STAMBPL1: variants seen among roughly 807,000 people sequenced by gnomAD.
STAMBPL1 encodes STAM binding protein like 1.
In STAMBPL1, 44 loss-of-function variants were observed where a neutral mutation model predicts 52.9. The observed-to-expected ratio is 0.83, with a 90% CI of 0.65 to 1.07. STAMBPL1 has a LOEUF of 1.07. Among genes scored for constraint, STAMBPL1 ranks in the 50% least tolerant of loss-of-function variants. STAMBPL1 has a pLI of 0.00. For synonymous variants in STAMBPL1, 164 were observed against 177.3 expected, an observed-to-expected ratio of 0.92 and a Z score of 0.60; for missense variants, 511 against 520.8, an observed-to-expected ratio of 0.98 and a Z score of 0.18.
chr10:88,913,464 T>A lies in STAMBPL1; in HGVS notation c.778+6T>A. On this transcript the variant is annotated splice_donor_region_variant and intron_variant, in intron 6 of 10. Coordinates refer to ENST00000371926, the MANE Select transcript of STAMBPL1 (RefSeq NM_020799.4). ...TACTCTAAGTGCTGTTCAGAGTAAGTGATGAAATGCACCCATGTGAGACAC... is the reference window on the plus strand; with the variant it reads ...TACTCTAAGTGCTGTTCAGAGTAAGAGATGAAATGCACCCATGTGAGACAC... 1 of 1,602,344 alleles carries A rather than the reference T, an allele frequency of 6.2e-7. No homozygotes were observed. Among genetic ancestry groups the A allele is most frequent in the Non-Finnish European group, 8.5e-7 (1 of 1,172,472 alleles).
chr10:88,910,442 T>TGG, intron 4 of STAMBPL1, among the ~76,000 whole-genome samples: 1 of 152,256 alleles, frequency 6.6e-6, no homozygotes, highest in South Asian at 2.1e-4. Flanking sequence ...AGATTAGGCT[T>TGG]GGGGGGGTCT....
intron 7 of STAMBPL1, among the ~76,000 whole-genome samples, chr10:88,916,139 A>G (rs1845363928): frequency 6.6e-6 from 1 of 152,152 alleles, no homozygotes; most frequent in African/African-American, 2.4e-5. Context: ...TCTTAATTAC[A>G]GAAGATCCTA....
intron 4 of STAMBPL1, among the ~76,000 whole-genome samples, chr10:88,909,499 A>T (rs1564629958): frequency 6.6e-6 from 1 of 152,182 alleles, no homozygotes; most frequent in Non-Finnish European, 1.5e-5. Context: ...TTTTTGAAAA[A>T]CACTTTACCA....
rs369740177 is a variant in STAMBPL1, at chr10:88,921,329, C to T, written c.1088C>T (p.Thr363Ile). 1.2e-6 allele frequency: 2 copies of T among 1,613,270 alleles called. No homozygotes were observed. The highest frequency in any genetic ancestry group is 1.7e-6 in the Non-Finnish European group (2 of 1,179,518). ...TAFLSSVDLH[T>I]HCSYQLMLPE... ...TTTTTATCCAGCGTTGATCTTCACACTCACTGTTCCTATCAACTCATGTTG... is the reference window on the plus strand; with the variant it reads ...TTTTTATCCAGCGTTGATCTTCACATTCACTGTTCCTATCAACTCATGTTG... The change falls in exon 9 of 11, where the codon ACT becomes ATT. Residue 363 changes from threonine (T) to isoleucine (I), a missense_variant. Physicochemically the swap from Thr to Ile is moderately conservative, Grantham distance 89. This residue lies in a region of STAMBPL1 where 137 missense variants were observed against 139.9 expected (regional missense o/e 0.98). Coordinates refer to ENST00000371926, the MANE Select transcript of STAMBPL1 (RefSeq NM_020799.4).
intron 8 of STAMBPL1, among the ~76,000 whole-genome samples, chr10:88,918,306 TACACACAC>T (rs199604099): frequency 1.4e-5 from 2 of 143,344 alleles, no homozygotes; most frequent in East Asian, 2.0e-4. Flanking sequence ...CACACACACA[TACACACAC>T]ACACACACAC....
intron 5 of STAMBPL1, 23 bp from the exon 6 acceptor site, chr10:88,913,078 C>T: frequency 6.5e-7 from 1 of 1,545,716 alleles, no homozygotes. Flanking sequence ...CTAACCTTCT[C>T]TTCTGGCTGC....
chr10:88,887,349 A>C (rs528688455), intron 1 of STAMBPL1, among the ~76,000 whole-genome samples: 3 of 152,320 alleles, frequency 2.0e-5, no homozygotes, highest in African/African-American at 7.2e-5. Context: ...ATCTTGAAAG[A>C]AATATAACTA....
In STAMBPL1 at chr10:88,920,759, A is replaced by C. The variant is rs116550538; in HGVS notation, c.1042-524A>C. On this transcript the variant is annotated intron_variant, in intron 8 of 10. Transcript: ENST00000371926. Reference sequence around the variant, plus strand: ...AGTCTCCCATTCTCCCATTTATAGGAAATGACAATCCACAAAAGGATACAC... The same window carrying C: ...AGTCTCCCATTCTCCCATTTATAGGCAATGACAATCCACAAAAGGATACAC... Among the ~76,000 whole-genome samples, 617 of 152,248 alleles carry C rather than the reference A, an allele frequency of 4.1e-3. 3 individuals carry two copies. The highest frequency in any genetic ancestry group is 0.014 in the African/African-American group (573 of 41,562).
chr10:88,899,538 C>T (rs1844891885), intron 1 of STAMBPL1, among the ~76,000 whole-genome samples: 1 of 152,170 alleles, frequency 6.6e-6, no homozygotes, highest in Admixed American at 6.5e-5. Context: ...GAGCTGGAGT[C>T]TCGCTCTGTC....
At chr10:88,888,651 A>G (rs1199244848) in intron 1 of STAMBPL1, among the ~76,000 whole-genome samples, 11 of 152,198 alleles carry the variant, frequency 7.2e-5, no homozygotes, top group South Asian at 2.1e-4. Flanking sequence ...AATAATTGCT[A>G]CAACTACCAG....
At chr10:88,910,214 A>G (rs905207248) in intron 4 of STAMBPL1, among the ~76,000 whole-genome samples, 9 of 152,184 alleles carry the variant, frequency 5.9e-5, no homozygotes, top group African/African-American at 1.9e-4. Flanking sequence ...GAGTCAGGAG[A>G]CTTGAGTTCC....
intron 4 of STAMBPL1, 34 bp downstream of exon 4, chr10:88,908,811 A>T (rs1305395915): frequency 6.5e-7 from 1 of 1,540,732 alleles, no homozygotes; most frequent in South Asian, 1.2e-5. Context: ...TGTGGAATCA[A>T]ATGCTCCATA....
intron 1 of STAMBPL1, among the ~76,000 whole-genome samples, chr10:88,888,867 T>C (rs765191051): frequency 6.6e-6 from 1 of 152,222 alleles, no homozygotes. Context: ...TACATACTTA[T>C]AACAAATTGT....
chr10:88,921,349 A>T lies in STAMBPL1; in HGVS notation c.1108A>T (p.Met370Leu), dbSNP rs1181294632. Residue 370 changes from methionine (M) to leucine (L), a missense_variant, in exon 9 of 11, where the codon ATG (methionine) becomes TTG (leucine). Physicochemically the swap from Met to Leu is conservative, Grantham distance 15. Transcript: ENST00000371926. ...DLHTHCSYQL[M>L]LPEAIAIVCS... ...TCACACTCACTGTTCCTATCAACTC[A>T]TGTTGCCAGAGGCCATTGCCATTGT... The T allele has an allele frequency of 2.5e-6, 4 of 1,613,144 alleles. No individual in the cohort carries two copies. The highest frequency in any genetic ancestry group is 2.2e-5 in the East Asian group (1 of 44,882).
intron 1 of STAMBPL1, among the ~76,000 whole-genome samples, chr10:88,897,980 G>A (rs1844853728): frequency 6.6e-6 from 1 of 152,212 alleles, no homozygotes; most frequent in South Asian, 2.1e-4. Flanking sequence ...CAAATGGCAA[G>A]TGGTACTTGC....
chr10:88,914,344 A>G (rs1589375900), intron 6 of STAMBPL1, among the ~76,000 whole-genome samples, 190 bp from the exon 7 acceptor site: 2 of 152,194 alleles, frequency 1.3e-5, no homozygotes, highest in East Asian at 1.9e-4. Flanking sequence ...AATAATTTAT[A>G]TACATAATTT....
chr10:88,882,860 T>C (rs536519796), intron 1 of STAMBPL1: 1 of 152,304 alleles, frequency 6.6e-6, no homozygotes, highest in African/African-American at 2.4e-5. Flanking sequence ...TTTTAGAATG[T>C]CTTTTTATTA....
At chr10:88,919,898 T>G (rs113461132) in intron 8 of STAMBPL1, among the ~76,000 whole-genome samples, 9,341 of 151,822 alleles carry the variant, frequency 0.062, 472 homozygotes, top group East Asian at 0.17. Flanking sequence ...TGCAGTAGAG[T>G]GATCACAGCT....
chr10:88,884,439 A>G (rs1844479884), intron 1 of STAMBPL1, among the ~76,000 whole-genome samples: 1 of 152,206 alleles, frequency 6.6e-6, no homozygotes, highest in Non-Finnish European at 1.5e-5. Flanking sequence ...ATGTTGTCAG[A>G]AGAACACTTT....
Sources: allele counts gnomAD v4.1 joint callset (sites outside exome capture counted in the v4.1 genomes callset), GRCh38; gene constraint gnomAD v4.1.1; regional missense constraint gnomAD v4.1.1; transcripts MANE v1.5; gene names NCBI Gene and HGNC (gene_info 2026-07-23, HGNC 2026-07-21).